SORCS3: variants seen among roughly 807,000 people sequenced by gnomAD.
SORCS3 encodes the protein sortilin related VPS10 domain containing receptor 3, also known as VPS10 domain-containing receptor SorCS3.
SORCS3 carries 57 observed loss-of-function variants against 146.3 expected under a neutral mutation model. The ratio of observed to expected loss-of-function variants is 0.39; its 90% CI spans 0.31 to 0.49. SORCS3 has a LOEUF of 0.49. Ranked by LOEUF, SORCS3 falls within the 20% of genes least tolerant of loss-of-function variation. The pLI is 0.92. For synonymous variants in SORCS3, 653 were observed against 618.5 expected (o/e 1.06, Z -0.83); for missense variants, 1,341 against 1,575.5 (o/e 0.85, Z 2.52).
intron 7 of SORCS3, among the ~76,000 whole-genome samples, chr10:105,117,952 C>T (rs1239331189): frequency 1.3e-5 from 2 of 152,164 alleles, no homozygotes; most frequent in Non-Finnish European, 2.9e-5. Flanking sequence ...TCTCATCTCT[C>T]CATCTTTCCA....
rs1202142674 is a variant in SORCS3, at chr10:104,935,049, A to G, written c.795+19117A>G. On this transcript the variant is annotated intron_variant, in intron 3 of 26. Transcript: ENST00000369701. ...GGGTACTGAGGAGGACTATTAAGCA[A>G]TAGTAAATAATAGCCCATGACATTC... Among the ~76,000 whole-genome samples, 4 of 152,186 alleles carry G rather than the reference A, an allele frequency of 2.6e-5. No individual in the cohort carries two copies. The East Asian group carries it at 7.7e-4, about 29-fold the overall frequency.
chr10:104,645,260 G>A (rs901523337), intron 1 of SORCS3, among the ~76,000 whole-genome samples: 1 of 152,164 alleles, frequency 6.6e-6, no homozygotes. Flanking sequence ...TAATGGGTTA[G>A]AGAGTGTTTC....
chr10:105,040,317 A>T (rs750042230), intron 4 of SORCS3, among the ~76,000 whole-genome samples: 13 of 152,154 alleles, frequency 8.5e-5, no homozygotes, highest in Non-Finnish European at 1.8e-4. Context: ...ATAGAAGGAG[A>T]GACAGGCAGA....
intron 1 of SORCS3, among the ~76,000 whole-genome samples, chr10:104,820,391 C>G (rs759911036): frequency 6.6e-6 from 1 of 152,108 alleles, no homozygotes; most frequent in African/African-American, 2.4e-5. Flanking sequence ...AACATTTATC[C>G]TATAAATATT....
At chr10:104,803,621 G>A (rs1240299876) in intron 1 of SORCS3, among the ~76,000 whole-genome samples, 1 of 152,122 alleles carries the variant, frequency 6.6e-6, no homozygotes, top group Non-Finnish European at 1.5e-5. Context: ...CCCATCACTA[G>A]CACTTTTTCC....
chr10:105,155,801 A>G (rs1429526392), intron 9 of SORCS3, among the ~76,000 whole-genome samples: 2 of 152,110 alleles, frequency 1.3e-5, no homozygotes, highest in Admixed American at 6.5e-5. Context: ...GTAGCAATCT[A>G]ATCAATTCCA....
intron 11 of SORCS3, 112 bp from the exon 12 acceptor site, chr10:105,164,191 A>T: frequency 1.3e-6 from 1 of 768,368 alleles, no homozygotes; most frequent in Non-Finnish European, 2.2e-6. Context: ...TGCACAAATT[A>T]GCTGTAAATA....
rs1428715054 is a variant in SORCS3 at position 105,262,394 on chromosome 10, G to A, written c.3507G>A (p.Gly1169=). 1 of 1,613,910 alleles carries A rather than the reference G, an allele frequency of 6.2e-7. No homozygotes were observed. ...ACGACAAGGAGCAGGAGATGATTGG[G>A]TCAGTGAGCCAAAGTGAAAACGCCC... ...VQHDKEQEMI[G]SVSQSENAPK... Residue 1169 remains glycine (G), a synonymous_variant, in exon 26 of 27, where the codon GGG becomes GGA. Transcript: ENST00000369701.
chr10:105,103,014 T>C (rs1230937585), intron 6 of SORCS3, among the ~76,000 whole-genome samples: 1 of 152,012 alleles, frequency 6.6e-6, no homozygotes, highest in Non-Finnish European at 1.5e-5. Flanking sequence ...TGGTCTGATC[T>C]CCTGACCTCG....
chr10:104,955,024 A>G (rs1240848606), intron 3 of SORCS3, among the ~76,000 whole-genome samples: 1 of 152,234 alleles, frequency 6.6e-6, no homozygotes. Flanking sequence ...ATAACTAAAT[A>G]ATTAACTATT....
At chr10:104,913,791 G>A (rs1000443007) in intron 2 of SORCS3, among the ~76,000 whole-genome samples, 7 of 91,122 alleles carry the variant, frequency 7.7e-5, no homozygotes, top group Non-Finnish European at 1.4e-4. Flanking sequence ...TTTTTTTTCC[G>A]AGACGGAGTC....
chr10:104,942,092 G>A (rs1464031746), intron 3 of SORCS3, among the ~76,000 whole-genome samples: 1 of 152,096 alleles, frequency 6.6e-6, no homozygotes, highest in African/African-American at 2.4e-5. Context: ...TCACTGGAGA[G>A]GTTGTGCCTA....
chr10:104,824,503 T>A (rs1463661067), intron 1 of SORCS3, among the ~76,000 whole-genome samples: 2 of 152,084 alleles, frequency 1.3e-5, no homozygotes, highest in African/African-American at 4.8e-5. Flanking sequence ...ATTTGTAGGA[T>A]TGAATAGGAG....
In SORCS3 at chr10:105,201,212, G is replaced by A; in HGVS notation, c.2220G>A (p.Val740=). 6.2e-7 allele frequency: 1 copy of A among 1,611,518 alleles called. No individual in the cohort carries two copies. Residue 740 remains valine (V), a synonymous_variant, in exon 16 of 27, where the codon GTG becomes GTA. Transcript: ENST00000369701. ...TGGGCCGAGACCACTCAGGATCAGT[G>A]GTCTCAGAACCCTGTGTCTGTGCCA... ...CALGRDHSGS[V]VSEPCVCANW...
intron 1 of SORCS3, among the ~76,000 whole-genome samples, chr10:104,692,925 C>G (rs1377320994): frequency 1.3e-5 from 2 of 152,144 alleles, no homozygotes; most frequent in African/African-American, 4.8e-5. Context: ...AGGGCTGGCC[C>G]AAAGATCTGA....
chr10:104,731,914 C>T (rs561744220), intron 1 of SORCS3, among the ~76,000 whole-genome samples: 1 of 152,300 alleles, frequency 6.6e-6, no homozygotes, highest in South Asian at 2.1e-4. Flanking sequence ...GCTATGGGCT[C>T]AGAAGTCAGA....
chr10:105,162,326 C>G (rs551882258), intron 11 of SORCS3, among the ~76,000 whole-genome samples: 1 of 152,246 alleles, frequency 6.6e-6, no homozygotes, highest in East Asian at 1.9e-4. Context: ...CTCACTCTCC[C>G]TCCTCTCTCA....
At chr10:104,670,429 G>A (rs1347947198) in intron 1 of SORCS3, among the ~76,000 whole-genome samples, 1 of 152,066 alleles carries the variant, frequency 6.6e-6, no homozygotes, top group African/African-American at 2.4e-5. Context: ...TCTCAGCACC[G>A]TTTATTGAAA....
chr10:104,992,303 T>C (rs73351648), intron 4 of SORCS3, among the ~76,000 whole-genome samples: 8,137 of 152,234 alleles, frequency 0.053, 250 homozygotes, highest in Middle Eastern at 0.082. Flanking sequence ...GCCCAGACCA[T>C]GAGGACCCCT....
Sources: allele counts gnomAD v4.1 joint callset (sites outside exome capture counted in the v4.1 genomes callset), GRCh38; gene constraint gnomAD v4.1.1; transcripts MANE v1.5; gene names NCBI Gene and HGNC (gene_info 2026-07-23, HGNC 2026-07-21).